Variants in FCN2 observed in about 807,000 individuals in gnomAD.
The protein encoded by FCN2 is ficolin 2, also known as ficolin-2.
Under a neutral mutation model 32.5 loss-of-function variants are expected in FCN2, and 31 were observed. The ratio of observed to expected loss-of-function variants is 0.96; its 90% CI spans 0.72 to 1.29. The LOEUF (loss-of-function observed/expected upper bound fraction) is 1.29. FCN2 is among the 50% of genes most tolerant of loss of function. The pLI is 0.00. For synonymous variants in FCN2, 181 were observed against 164.5 expected, an observed-to-expected ratio of 1.10 and a Z score of -0.77; for missense variants, 412 against 406.5, an observed-to-expected ratio of 1.01 and a Z score of -0.12.
chr9:134,885,914 G>A lies in FCN2; in HGVS notation c.559+17G>A, dbSNP rs1469350606. On this transcript the variant is annotated intron_variant, in intron 6 of 7. Coordinates refer to ENST00000291744, the MANE Select transcript of FCN2 (RefSeq NM_004108.3). ...CCGCCCAGGGTAGGGCCGCTGCTGG[G>A]GCTTGGGGGTCGGGGGCCCTGAATG... The A allele has an allele frequency of 3.1e-6, 5 of 1,602,990 alleles. No homozygotes were observed. Among genetic ancestry groups the A allele is most frequent in the Non-Finnish European group, 3.4e-6 (4 of 1,174,686 alleles).
the FCN2 span, among the ~76,000 whole-genome samples, chr9:134,865,151 C>G: frequency 6.6e-6 from 1 of 152,250 alleles, no homozygotes; most frequent in Non-Finnish European, 1.5e-5. Context: ...GTGCCTGGCA[C>G]TGGGACAGGT....
At chr9:134,867,280 C>T in the FCN2 span, among the ~76,000 whole-genome samples, 1 of 149,470 alleles carries the variant, frequency 6.7e-6, no homozygotes, top group Non-Finnish European at 1.5e-5. Flanking sequence ...GAAAATGTGG[C>T]ACATATACAC....
intron 6 of FCN2, 97 bp downstream of exon 6, chr9:134,885,994 C>A: frequency 7.6e-7 from 1 of 1,321,132 alleles, no homozygotes; most frequent in Non-Finnish European, 1.0e-6. Flanking sequence ...GCCTCTTGGC[C>A]CACAGGGGAT....
At chr9:134,883,169 C>T (rs551343170) in intron 2 of FCN2, 133 bp from the exon 3 acceptor site, 33 of 814,288 alleles carry the variant, frequency 4.1e-5, no homozygotes, top group Admixed American at 3.1e-4. Context: ...CAAGCCTGGG[C>T]GGGGCCACAG....
At chr9:134,877,657 C>T (rs973342049), upstream of FCN2, among the ~76,000 whole-genome samples, 7 of 152,198 alleles carry the variant, frequency 4.6e-5, no homozygotes, top group African/African-American at 7.2e-5. Flanking sequence ...CATTTCTCTC[C>T]TCCTGGCCTT....
chr9:134,870,549 C>CG, the FCN2 span, among the ~76,000 whole-genome samples: 2 of 152,106 alleles, frequency 1.3e-5, no homozygotes, highest in Non-Finnish European at 2.9e-5. This position sits in a 1 kb window ranked among gnomAD's most constrained non-coding sequence, Gnocchi z 4.3. Flanking sequence ...TAAGTGCCCT[C>CG]GGGGGGTGCC....
At chr9:134,879,988 T>C (rs1002474223), upstream of FCN2, among the ~76,000 whole-genome samples, 1 of 152,084 alleles carries the variant, frequency 6.6e-6, no homozygotes, top group Admixed American at 6.5e-5. Flanking sequence ...TCAGGCCAGC[T>C]CTTCTCCAAA....
the FCN2 span, among the ~76,000 whole-genome samples, chr9:134,872,065 T>TC: frequency 1.3e-5 from 2 of 152,026 alleles, no homozygotes; most frequent in South Asian, 2.1e-4. Flanking sequence ...CCTGTCTTCC[T>TC]CCCCCCGGCA....
At chr9:134,882,300 C>T (rs1411648871) in intron 1 of FCN2, among the ~76,000 whole-genome samples, 3 of 152,216 alleles carry the variant, frequency 2.0e-5, no homozygotes, top group Non-Finnish European at 4.4e-5. Flanking sequence ...CACCTTTCTG[C>T]CTGACCAGTG....
intron 3 of FCN2, among the ~76,000 whole-genome samples, chr9:134,884,535 G>C (rs1402403217): frequency 6.6e-6 from 1 of 152,242 alleles, no homozygotes. Context: ...CTCTGAAAGG[G>C]GTGCATGTGG....
At chr9:134,881,263 G>T (rs1830659689) in intron 1 of FCN2, among the ~76,000 whole-genome samples, 1 of 152,174 alleles carries the variant, frequency 6.6e-6, no homozygotes, top group African/African-American at 2.4e-5. Context: ...GTAGACACCA[G>T]TCAGATATTC....
the FCN2 span, among the ~76,000 whole-genome samples, chr9:134,873,920 TTG>T: frequency 8.1e-3 from 52 of 6,414 alleles, 1 homozygote; most frequent in East Asian, 0.34. Flanking sequence ...TTTTTGTTTT[TTG>T]TTTTTTGATA....
chr9:134,885,736 C>T, intron 5 of FCN2, 32 bp from the exon 6 acceptor site: 1 of 1,613,838 alleles, frequency 6.2e-7, no homozygotes, highest in Non-Finnish European at 8.5e-7. Flanking sequence ...CGGCCTGGCC[C>T]CCCCGGCTCC....
intron 3 of FCN2, among the ~76,000 whole-genome samples, chr9:134,883,828 C>T (rs1005763979): frequency 1.1e-5 from 1 of 90,206 alleles, no homozygotes; most frequent in Admixed American, 1.7e-4. Context: ...CGGGGAGGGA[C>T]TTTTAGTGTG....
chr9:134,866,910 CAG>C, the FCN2 span, among the ~76,000 whole-genome samples: 19 of 136,200 alleles, frequency 1.4e-4, no homozygotes, highest in Middle Eastern at 3.5e-3. Context: ...GACTGGCCAT[CAG>C]AGAAATGCAA....
At chr9:134,877,093 A>G (rs1240530050), upstream of FCN2, among the ~76,000 whole-genome samples, 3 of 152,056 alleles carry the variant, frequency 2.0e-5, no homozygotes, top group Non-Finnish European at 4.4e-5. Context: ...GAGGTTTATA[A>G]ATTTGATTTA....
At chr9:134,880,287 C>G (rs1195269513), upstream of FCN2, among the ~76,000 whole-genome samples, 1 of 152,176 alleles carries the variant, frequency 6.6e-6, no homozygotes, top group Admixed American at 6.5e-5. Context: ...CTCTCCTTTT[C>G]ACCCTGGCAG....
upstream of FCN2, among the ~76,000 whole-genome samples, chr9:134,877,098 G>T (rs4543615): frequency 0.85 from 129,350 of 152,260 alleles, 55,302 homozygotes; most frequent in East Asian, 0.98. Context: ...TTATAAATTT[G>T]ATTTACCTTC....
upstream of FCN2, among the ~76,000 whole-genome samples, chr9:134,878,081 A>G (rs1270670041): frequency 6.6e-6 from 1 of 152,100 alleles, no homozygotes; most frequent in Non-Finnish European, 1.5e-5. Flanking sequence ...CCTGTGCTGG[A>G]TCCTTCCTGC....
Sources: gnomAD v4.1 joint callset for allele counts (sites outside exome capture counted in the v4.1 genomes callset) on GRCh38, gnomAD v4.1.1 for gene constraint, Gnocchi (gnomAD v3.1) non-coding constraint, MANE v1.5 for transcripts, NCBI Gene and HGNC (gene_info 2026-07-23, HGNC 2026-07-21) for gene names.